CHCHD3: variants seen among roughly 807,000 people sequenced by gnomAD.
CHCHD3 encodes coiled-coil-helix-coiled-coil-helix domain containing 3.
In CHCHD3, 20 loss-of-function variants were observed where a neutral mutation model predicts 38.2. That is an observed-to-expected ratio of 0.52 (90% CI 0.37 to 0.76). CHCHD3 has a LOEUF of 0.76. Among genes scored for constraint, CHCHD3 ranks in the 30% least tolerant of loss-of-function variants. The probability of loss-of-function intolerance (pLI) is 0.00; values close to 1 mark genes in which losing one functional copy is unlikely to be tolerated. For missense variants in CHCHD3, 245 were observed against 279.2 expected (o/e 0.88, Z 0.87); for synonymous variants, 82 against 100.0 (o/e 0.82, Z 1.07).
chr7:132,992,772 TAG>T (rs1212761343), intron 3 of CHCHD3, among the ~76,000 whole-genome samples: 3 of 152,244 alleles, frequency 2.0e-5, no homozygotes, highest in Non-Finnish European at 2.9e-5. Context: ...AGTACTGCTT[TAG>T]AGTTACTTTT....
chr7:132,955,867 T>C (rs1225977263), intron 4 of CHCHD3, among the ~76,000 whole-genome samples: 1 of 152,150 alleles, frequency 6.6e-6, no homozygotes, highest in Non-Finnish European at 1.5e-5. Flanking sequence ...AATAGGATCA[T>C]TGCTGAAGCC....
At chr7:132,913,759 A>G (rs1417757396) in intron 4 of CHCHD3, among the ~76,000 whole-genome samples, 1 of 152,130 alleles carries the variant, frequency 6.6e-6, no homozygotes, top group East Asian at 1.9e-4. Flanking sequence ...AGCAGAGGGA[A>G]GGAAAGAAAG....
chr7:132,933,580 C>A (rs1175441552), intron 4 of CHCHD3, among the ~76,000 whole-genome samples: 2 of 152,144 alleles, frequency 1.3e-5, no homozygotes, highest in African/African-American at 4.8e-5. Flanking sequence ...TGTCTGAGAA[C>A]CAAGATTTCT....
chr7:132,936,874 G>C (rs1450053135), intron 4 of CHCHD3, among the ~76,000 whole-genome samples: 1 of 152,172 alleles, frequency 6.6e-6, no homozygotes, highest in African/African-American at 2.4e-5. Context: ...TAAACTAACA[G>C]TTTATATTAG....
intron 2 of CHCHD3, among the ~76,000 whole-genome samples, chr7:133,066,678 C>T (rs1814679183): frequency 1.3e-5 from 2 of 152,154 alleles, no homozygotes; most frequent in African/African-American, 4.8e-5. Flanking sequence ...AAAGCCAGAA[C>T]TCTTCACATC....
At chr7:132,991,270 T>C (rs954068559) in intron 3 of CHCHD3, among the ~76,000 whole-genome samples, 1 of 152,170 alleles carries the variant, frequency 6.6e-6, no homozygotes, top group Non-Finnish European at 1.5e-5. Flanking sequence ...TAAGCTTTGA[T>C]TGTACATTTT....
At chr7:132,947,738 C>T (rs560037066) in intron 4 of CHCHD3, among the ~76,000 whole-genome samples, 111 of 151,878 alleles carry the variant, frequency 7.3e-4, no homozygotes, top group African/African-American at 2.5e-3. Flanking sequence ...TAGATGATGA[C>T]TATGTTTAAA....
At chr7:132,886,773 ATTTC>A (rs967421620) in intron 4 of CHCHD3, among the ~76,000 whole-genome samples, 11 of 151,776 alleles carry the variant, frequency 7.2e-5, no homozygotes, top group African/African-American at 2.4e-4. Flanking sequence ...AAGTGTATAC[ATTTC>A]TTTAATTGTA....
chr7:132,956,590 T>C (rs1167263781), intron 4 of CHCHD3, among the ~76,000 whole-genome samples: 1 of 152,244 alleles, frequency 6.6e-6, no homozygotes, highest in Admixed American at 6.5e-5. Context: ...AATCACAGAA[T>C]GAGGTCTATC....
intron 5 of CHCHD3, among the ~76,000 whole-genome samples, chr7:132,870,208 G>A (rs868252489): frequency 1.3e-5 from 2 of 151,882 alleles, no homozygotes; most frequent in Admixed American, 6.6e-5. Context: ...AAATTAGCCC[G>A]GTGTGATGGC....
At chr7:133,043,583 T>C (rs1584667703) in intron 2 of CHCHD3, among the ~76,000 whole-genome samples, 2 of 149,432 alleles carry the variant, frequency 1.3e-5, no homozygotes, top group East Asian at 2.0e-4. Context: ...GAGGCGGAGG[T>C]AGCAGTGAGC....
intron 5 of CHCHD3, among the ~76,000 whole-genome samples, chr7:132,869,302 A>G (rs534911909): frequency 1.3e-5 from 2 of 152,306 alleles, no homozygotes; most frequent in African/African-American, 2.4e-5. Context: ...TTGGTCTGGA[A>G]GAGCTAGACT....
In CHCHD3 at chr7:132,898,774, C is replaced by A. The variant is rs1023214325; in HGVS notation, c.370-13029G>T. ...CCACGGGAAGGCAGCTAAGGCCCGGCGAGAAATCGAGCGCAGCGCCGGTGG... is the reference window on the plus strand; with the variant it reads ...CCACGGGAAGGCAGCTAAGGCCCGGAGAGAAATCGAGCGCAGCGCCGGTGG... On this transcript the variant is annotated intron_variant, in intron 4 of 7. Transcript: ENST00000262570. 2.6e-5 allele frequency among the ~76,000 whole-genome samples: 4 copies of A among 152,352 alleles called. No individual in the cohort carries two copies. In the East Asian group the frequency reaches 7.7e-4, roughly 29 times the overall value.
At chr7:132,844,964 T>TG (rs1808039020) in intron 5 of CHCHD3, 1 of 152,234 alleles carries the variant, frequency 6.6e-6, no homozygotes, top group East Asian at 1.9e-4. Context: ...ACAAACTGTG[T>TG]GGGGAGACTG....
At position 133,074,996 on chromosome 7, in the gene CHCHD3, G is replaced by A. The variant is rs74794800; in HGVS notation, c.82-4767C>T. On this transcript the variant is annotated intron_variant, in intron 1 of 7. Coordinates refer to ENST00000262570, the MANE Select transcript of CHCHD3 (RefSeq NM_017812.4). ...CTGAGCTTGTACTGACTCGTTCTCT[G>A]TAAGGTGCATGAGGACCAGGCCTGC... Among the ~76,000 whole-genome samples, 405 of 152,258 alleles carry A rather than the reference G, an allele frequency of 2.7e-3. 9 individuals carry two copies. The East Asian group carries it at 0.042, about 16-fold the overall frequency.
intron 5 of CHCHD3, 100 bp from the exon 6 acceptor site, chr7:132,838,569 A>G: frequency 2.4e-6 from 2 of 832,846 alleles, no homozygotes; most frequent in Non-Finnish European, 4.0e-6. Flanking sequence ...TGTTTCAGCC[A>G]CTCAAGCAGT....
At chr7:132,939,888 G>A (rs1295282858) in intron 4 of CHCHD3, among the ~76,000 whole-genome samples, 1 of 152,038 alleles carries the variant, frequency 6.6e-6, no homozygotes, top group East Asian at 1.9e-4. Flanking sequence ...TGTTTTCCCC[G>A]GAGCCTATCA....
chr7:132,934,374 G>A (rs1810586585), intron 4 of CHCHD3, among the ~76,000 whole-genome samples: 1 of 152,112 alleles, frequency 6.6e-6, no homozygotes, highest in Non-Finnish European at 1.5e-5. Context: ...GATCTCTGGA[G>A]GATTTCTATA....
chr7:132,832,318 G>A (rs1172754302), intron 6 of CHCHD3, among the ~76,000 whole-genome samples: 7 of 152,062 alleles, frequency 4.6e-5, no homozygotes, highest in African/African-American at 7.2e-5. Flanking sequence ...GGATAAAAGC[G>A]AAAACCCCTC....
Sources: allele counts gnomAD v4.1 joint callset (sites outside exome capture counted in the v4.1 genomes callset), GRCh38; gene constraint gnomAD v4.1.1; transcripts MANE v1.5; gene names NCBI Gene and HGNC (gene_info 2026-07-23, HGNC 2026-07-21).